The following SLC8A1 variants were observed in gnomAD, a reference collection of about 807,000 sequenced individuals.
The protein encoded by SLC8A1 is sodium/calcium exchanger 1.
A neutral mutation model predicts 68.3 loss-of-function variants in SLC8A1; 18 were observed. The ratio of observed to expected loss-of-function variants is 0.26; its 90% CI spans 0.18 to 0.39. SLC8A1 has a LOEUF of 0.39. SLC8A1 is among the 10% of genes least tolerant of loss of function. SLC8A1 has a pLI of 1.00. For missense variants in SLC8A1, 985 were observed against 1,156.7 expected, an observed-to-expected ratio of 0.85 and a Z score of 2.15; for synonymous variants, 475 against 415.5, an observed-to-expected ratio of 1.14 and a Z score of -1.74.
At chr2:40,158,018 T>C (rs892596453) in intron 6 of SLC8A1, among the ~76,000 whole-genome samples, 1 of 152,194 alleles carries the variant, frequency 6.6e-6, no homozygotes, top group African/African-American at 2.4e-5. Flanking sequence ...TGAATACAGT[T>C]ACTGAGAAAG....
intron 2 of SLC8A1, among the ~76,000 whole-genome samples, chr2:40,397,123 T>C (rs1231694381): frequency 1.3e-5 from 2 of 152,214 alleles, no homozygotes; most frequent in East Asian, 1.9e-4. Context: ...GTTGTAGGGA[T>C]TGAATGAGAA....
At chr2:40,384,600 C>T (rs1183384923) in intron 2 of SLC8A1, among the ~76,000 whole-genome samples, 2 of 152,044 alleles carry the variant, frequency 1.3e-5, no homozygotes, top group Non-Finnish European at 2.9e-5. Flanking sequence ...TTGGTTTCTA[C>T]TATGCTCATT....
chr2:40,134,680 A>G (rs576491750), intron 7 of SLC8A1, among the ~76,000 whole-genome samples: 55 of 152,320 alleles, frequency 3.6e-4, no homozygotes, highest in Non-Finnish European at 6.5e-4. Flanking sequence ...AACTGTCGCT[A>G]GAAGTTATTA....
intron 2 of SLC8A1, among the ~76,000 whole-genome samples, chr2:40,330,286 G>C (rs1033690846): frequency 2.2e-5 from 2 of 91,628 alleles, no homozygotes; most frequent in East Asian, 1.0e-3. Flanking sequence ...ACATTAAAAT[G>C]ATGAGGATAA....
intron 2 of SLC8A1, among the ~76,000 whole-genome samples, chr2:40,297,009 A>C (rs2070518994): frequency 6.6e-6 from 1 of 151,984 alleles, no homozygotes; most frequent in South Asian, 2.1e-4. Context: ...ATATTTCTAC[A>C]TCTGGGTCAT....
In SLC8A1 at chr2:40,149,321, T is replaced by C. The variant is rs112371077; in HGVS notation, c.2162-9645A>G. Among the ~76,000 whole-genome samples the C allele has an allele frequency of 8.8e-3, 1,341 of 152,332 alleles. 22 individuals carry two copies. Among genetic ancestry groups the C allele is most frequent in the African/African-American group, 0.03 (1,254 of 41,574 alleles). ...CAGAAAAATAAGATCCCTGATCTCATAGAATTTCCATTCTGGCAAGGGGAG... is the reference window on the plus strand; with the variant it reads ...CAGAAAAATAAGATCCCTGATCTCACAGAATTTCCATTCTGGCAAGGGGAG... On this transcript the variant is annotated intron_variant, in intron 6 of 7. Transcript: ENST00000406785.
chr2:40,462,532 G>T (rs1703410847), intron 1 of SLC8A1, among the ~76,000 whole-genome samples: 1 of 151,422 alleles, frequency 6.6e-6, no homozygotes, highest in Admixed American at 6.6e-5. Context: ...GAGCAGGCGG[G>T]GCATGGTGGT....
chr2:40,448,283 G>A (rs1482601303), intron 1 of SLC8A1, among the ~76,000 whole-genome samples: 3 of 152,068 alleles, frequency 2.0e-5, no homozygotes, highest in Non-Finnish European at 2.9e-5. Flanking sequence ...AGGCCAGGGA[G>A]AGAAAGAGAG....
At chr2:40,361,552 C>G (rs2149481115) in intron 2 of SLC8A1, among the ~76,000 whole-genome samples, 2 of 151,700 alleles carry the variant, frequency 1.3e-5, no homozygotes, top group African/African-American at 4.8e-5. Flanking sequence ...TACAAAGGGA[C>G]CTCATCTGGT....
At chr2:40,177,354 T>C (rs1371406806) in intron 3 of SLC8A1, among the ~76,000 whole-genome samples, 4 of 152,218 alleles carry the variant, frequency 2.6e-5, no homozygotes, top group Non-Finnish European at 5.9e-5. Context: ...GTTTCTTTTT[T>C]CCAGCTTTAT....
chr2:40,187,733 G>A lies in SLC8A1; in HGVS notation c.1809-9878C>T, dbSNP rs75077292. 3.9e-3 allele frequency among the ~76,000 whole-genome samples: 590 copies of A among 152,214 alleles called. 2 individuals are homozygous for A. The highest frequency in any genetic ancestry group is 9.6e-3 in the East Asian group (50 of 5,182). On this transcript the variant is annotated intron_variant, in intron 2 of 7. Coordinates refer to ENST00000406785, the Ensembl canonical transcript of SLC8A1. ...TAGAAGACATTCTGGTTGACTACTC[G>A]AAAGAGATACTACAGGGATCCATAG...
chr2:40,212,281 A>ATGTTTTTTTTTTTTTTTTTTTT (rs371395367), intron 2 of SLC8A1, among the ~76,000 whole-genome samples: 2 of 118,212 alleles, frequency 1.7e-5, no homozygotes, highest in African/African-American at 3.1e-5. Flanking sequence ...GAGATGCAAT[A>ATGTTTTTTTTTTTTTTTTTTTT]TCTTTTTTTT....
exon 8 of SLC8A1, chr2:40,098,099 C>A (rs922102341): frequency 6.6e-6 from 1 of 151,848 alleles, no homozygotes; most frequent in African/African-American, 2.4e-5. Flanking sequence ...TCTTCACTAG[C>A]ATTTTATTTT....
chr2:40,482,320 C>T (rs1466920280), intron 1 of SLC8A1, among the ~76,000 whole-genome samples: 2 of 152,112 alleles, frequency 1.3e-5, no homozygotes, highest in Non-Finnish European at 2.9e-5. Flanking sequence ...TGCAGAACTG[C>T]CAGGGGAGGC....
At chr2:40,350,257 G>A (rs763653939) in intron 2 of SLC8A1, among the ~76,000 whole-genome samples, 8 of 152,090 alleles carry the variant, frequency 5.3e-5, no homozygotes, top group Admixed American at 5.2e-4. Flanking sequence ...TGAGTGGGAA[G>A]GATAGCTTGA....
chr2:40,392,812 G>A (rs1416490225), intron 2 of SLC8A1, among the ~76,000 whole-genome samples: 1 of 152,082 alleles, frequency 6.6e-6, no homozygotes, highest in Non-Finnish European at 1.5e-5. Flanking sequence ...AGGGCTTTCA[G>A]CATTAATATT....
intron 2 of SLC8A1, among the ~76,000 whole-genome samples, chr2:40,385,851 G>A (rs1683383350): frequency 6.6e-6 from 1 of 151,160 alleles, no homozygotes; most frequent in African/African-American, 2.5e-5. Flanking sequence ...ATTATAAAAT[G>A]TCCAAATAAA....
At chr2:40,204,091 T>C (rs946219478) in intron 2 of SLC8A1, among the ~76,000 whole-genome samples, 2 of 152,014 alleles carry the variant, frequency 1.3e-5, no homozygotes, top group Non-Finnish European at 2.9e-5. Context: ...CCTGTGTTCT[T>C]TAGATGACAT....
chr2:40,217,794 G>C (rs796182984), intron 2 of SLC8A1, among the ~76,000 whole-genome samples: 5 of 152,280 alleles, frequency 3.3e-5, no homozygotes, highest in African/African-American at 1.2e-4. Context: ...TTAATTTCAA[G>C]CAGTTACATA....
Sources: gnomAD v4.1 joint callset for allele counts (sites outside exome capture counted in the v4.1 genomes callset) on GRCh38, gnomAD v4.1.1 for gene constraint, MANE v1.5 for transcripts, NCBI Gene and HGNC (gene_info 2026-07-23, HGNC 2026-07-21) for gene names.